Variants in AASDH observed in about 807,000 individuals in gnomAD.
The protein encoded by AASDH is aminoadipate-semialdehyde dehydrogenase.
A neutral mutation model predicts 102.3 loss-of-function variants in AASDH; 81 were observed. That is an observed-to-expected ratio of 0.79 (90% CI 0.66 to 0.95). AASDH has a LOEUF of 0.95. AASDH is among the 40% of genes least tolerant of loss of function. The pLI is 0.00. For missense variants in AASDH, 1,203 were observed against 1,266.2 expected, an observed-to-expected ratio of 0.95 and a Z score of 0.76; for synonymous variants, 398 against 454.0, an observed-to-expected ratio of 0.88 and a Z score of 1.57.
intron 5 of AASDH, among the ~76,000 whole-genome samples, chr4:56,359,924 A>G (rs1336797887): frequency 1.3e-5 from 2 of 152,154 alleles, no homozygotes; most frequent in African/African-American, 4.8e-5. Flanking sequence ...TGATCAATCA[A>G]TGATCACTAG....
intron 4 of AASDH, among the ~76,000 whole-genome samples, chr4:56,374,165 G>A (rs185349984): frequency 6.6e-6 from 1 of 152,114 alleles, no homozygotes; most frequent in Admixed American, 6.5e-5. Flanking sequence ...AGATACTTGA[G>A]GTCAGGAGTT....
intron 5 of AASDH, among the ~76,000 whole-genome samples, chr4:56,366,132 A>C (rs956896795): frequency 6.6e-6 from 1 of 152,232 alleles, no homozygotes; most frequent in African/African-American, 2.4e-5. Context: ...GAAATGGATA[A>C]GTTCCTCAAC....
At chr4:56,357,358 G>C (rs1333183262) in intron 5 of AASDH, among the ~76,000 whole-genome samples, 1 of 152,058 alleles carries the variant, frequency 6.6e-6, no homozygotes, top group African/African-American at 2.4e-5. Context: ...TCTTTTATAA[G>C]AGCACTAATC....
At chr4:56,360,996 G>T (rs1750221661) in intron 5 of AASDH, among the ~76,000 whole-genome samples, 1 of 152,130 alleles carries the variant, frequency 6.6e-6, no homozygotes, top group African/African-American at 2.4e-5. Flanking sequence ...GGGCTAAAAT[G>T]GTCCTGGCTC....
Position 56,338,677 on chromosome 4 carries a change from C to T in AASDH, c.3022G>A (p.Gly1008Ser), listed in dbSNP as rs1293834132. The T allele has an allele frequency of 8.1e-6, 13 of 1,614,034 alleles. No homozygotes were observed. The highest frequency in any genetic ancestry group is 1.0e-5 in the Non-Finnish European group (12 of 1,180,034). Reference sequence around the variant, plus strand: ...GTTTCAAATTTCCACTGCAGGTGACCTTTCATGTTACAACAGTAGATAAAG... The same window carrying T: ...GTTTCAAATTTCCACTGCAGGTGACTTTTCATGTTACAACAGTAGATAAAG... Reference protein sequence around the residue: ...DCFIYCCNMKGHLQWKFETTS... With the variant: ...DCFIYCCNMKSHLQWKFETTS... The change falls in exon 15 of 15, where the codon GGT becomes AGT. Residue 1008 changes from glycine to serine, a missense_variant. By Grantham distance (56) the Gly-to-Ser change is moderately conservative. Transcript: ENST00000205214.
At chr4:56,379,379 G>C (rs1406719399) in intron 3 of AASDH, among the ~76,000 whole-genome samples, 5 of 152,100 alleles carry the variant, frequency 3.3e-5, no homozygotes, top group Non-Finnish European at 7.3e-5. Flanking sequence ...ATGATCTCCT[G>C]CCTCAGTCTC....
At chr4:56,359,856 C>T (rs186825113) in intron 5 of AASDH, among the ~76,000 whole-genome samples, 133 of 152,220 alleles carry the variant, frequency 8.7e-4, no homozygotes, top group African/African-American at 3.1e-3. Context: ...CGTGCCCGGC[C>T]GATGTTCTCC....
chr4:56,343,488 T>C, intron 13 of AASDH, 74 bp downstream of exon 13: 2 of 1,303,312 alleles, frequency 1.5e-6, no homozygotes, highest in Non-Finnish European at 2.1e-6. Flanking sequence ...TACTCAAACT[T>C]TCAAAGCTCA....
chr4:56,378,491 C>G (rs1426494158), intron 3 of AASDH, 27 bp from the exon 4 acceptor site: 1 of 1,513,140 alleles, frequency 6.6e-7, no homozygotes, highest in African/African-American at 1.4e-5. Flanking sequence ...ACAAAGTTTA[C>G]AGTATTAGTA....
intron 10 of AASDH, among the ~76,000 whole-genome samples, chr4:56,351,029 T>C (rs1488088436): frequency 2.0e-5 from 3 of 152,218 alleles, no homozygotes; most frequent in Non-Finnish European, 2.9e-5. Flanking sequence ...TTTTCTCAGC[T>C]CTGACAAGAG....
At chr4:56,363,490 A>G (rs13138976) in intron 5 of AASDH, among the ~76,000 whole-genome samples, 54,496 of 152,128 alleles carry the variant, frequency 0.36, 10,270 homozygotes, top group Non-Finnish European at 0.43. Context: ...GCGGACTGAC[A>G]CTTCACACGG....
In AASDH at chr4:56,361,320, A is replaced by G. The variant is rs1298302065; in HGVS notation, c.862-5897T>C. On this transcript the variant is annotated intron_variant, in intron 5 of 14. Transcript: ENST00000205214. ...GCTACTTGGGAGGCTGAGGCATGAG[A>G]ATCACTTGAACCCAGGAGGTGGAGG... Among the ~76,000 whole-genome samples the G allele has an allele frequency of 3.3e-5, 5 of 152,184 alleles. No individual in the cohort carries two copies. The East Asian group carries it at 7.8e-4, about 24-fold the overall frequency.
intron 5 of AASDH, among the ~76,000 whole-genome samples, chr4:56,368,247 A>G (rs1438276858): frequency 6.6e-6 from 1 of 152,232 alleles, no homozygotes; most frequent in East Asian, 1.9e-4. Context: ...GTGGAGAAAT[A>G]GGAACACTTT....
In AASDH at chr4:56,362,259, TTTTC is replaced by T. The variant is rs577039102; in HGVS notation, c.862-6840_862-6837del. Among the ~76,000 whole-genome samples, 1,035 of 152,184 alleles carry T rather than the reference TTTTC, an allele frequency of 6.8e-3. 13 individuals carry two copies. The highest frequency in any genetic ancestry group is 0.024 in the African/African-American group (980 of 41,524). On this transcript the variant is annotated intron_variant, in intron 5 of 14. Transcript: ENST00000205214. The stretch of plus-strand genomic sequence containing the variant: ...GTAGTATGTGTTTTGACAGCTTTTT[TTTTC>T]TTTGTTTGTTTGTTTGTTTTAGACT...
At chr4:56,340,909 T>C (rs530368957) in intron 14 of AASDH, among the ~76,000 whole-genome samples, 10 of 151,938 alleles carry the variant, frequency 6.6e-5, no homozygotes, top group Non-Finnish European at 1.3e-4. Context: ...AACAGGTATA[T>C]GAAAAAAACA....
chr4:56,369,267 C>G (rs1305196489), intron 5 of AASDH, among the ~76,000 whole-genome samples: 1 of 152,160 alleles, frequency 6.6e-6, no homozygotes, highest in Non-Finnish European at 1.5e-5. Flanking sequence ...AATTCATTGA[C>G]CTGACATAGA....
chr4:56,354,343 A>ATGT (rs1749349109), intron 7 of AASDH, 132 bp from the exon 8 acceptor site: 2 of 692,998 alleles, frequency 2.9e-6, no homozygotes, highest in South Asian at 8.7e-5. Flanking sequence ...TCATTTTAAA[A>ATGT]TGTTATCTGA....
chr4:56,377,240 T>C (rs1194643121), intron 4 of AASDH, among the ~76,000 whole-genome samples: 1 of 152,190 alleles, frequency 6.6e-6, no homozygotes, highest in African/African-American at 2.4e-5. Context: ...TTTCTATTTC[T>C]GTTTCCTCCT....
chr4:56,350,106 A>T, intron 10 of AASDH, 48 bp from the exon 11 acceptor site: 1 of 1,397,226 alleles, frequency 7.2e-7, no homozygotes, highest in Non-Finnish European at 9.6e-7. Flanking sequence ...GTCTAAAAGC[A>T]AAAGACTTCA....
Sources: allele counts gnomAD v4.1 joint callset (sites outside exome capture counted in the v4.1 genomes callset), GRCh38; gene constraint gnomAD v4.1.1; transcripts MANE v1.5; gene names NCBI Gene and HGNC (gene_info 2026-07-23, HGNC 2026-07-21).